SOX6: variants seen among roughly 807,000 people sequenced by gnomAD.
SOX6 encodes transcription factor SOX-6.
A neutral mutation model predicts 97.8 loss-of-function variants in SOX6; 11 were observed. The ratio of observed to expected loss-of-function variants is 0.11; its 90% CI spans 0.07 to 0.19. The LOEUF (loss-of-function observed/expected upper bound fraction) is 0.19. Ranked by LOEUF, SOX6 falls within the 10% of genes least tolerant of loss-of-function variation. The pLI, the probability that SOX6 is intolerant of heterozygous loss-of-function variation, is 1.00. For missense variants in SOX6, 810 were observed against 1,039.5 expected, an observed-to-expected ratio of 0.78 and a Z score of 3.04; for synonymous variants, 360 against 371.4, an observed-to-expected ratio of 0.97 and a Z score of 0.35.
chr11:16,226,332 TTTTTG>T (rs1291592044), intron 4 of SOX6, among the ~76,000 whole-genome samples: 2 of 52,060 alleles, frequency 3.8e-5, no homozygotes, highest in African/African-American at 1.6e-4. Flanking sequence ...TTTGTTTTTG[TTTTTG>T]TTTTTTTTTT....
At chr11:16,378,245 A>T (rs1368252218) in intron 1 of SOX6, among the ~76,000 whole-genome samples, 1 of 152,170 alleles carries the variant, frequency 6.6e-6, no homozygotes, top group African/African-American at 2.4e-5. Flanking sequence ...GTAAAATACA[A>T]TGCATCCTGA....
chr11:16,019,078 T>A (rs1225267145), intron 12 of SOX6, among the ~76,000 whole-genome samples: 1 of 152,054 alleles, frequency 6.6e-6, no homozygotes, highest in Non-Finnish European at 1.5e-5. Context: ...ATATGCGAAG[T>A]GACTGATTGC....
chr11:16,589,207 T>C (rs1212988935), intron 4 of SOX6, among the ~76,000 whole-genome samples: 1 of 152,080 alleles, frequency 6.6e-6, no homozygotes, highest in Non-Finnish European at 1.5e-5. Flanking sequence ...TGCCCTCACC[T>C]CTCTTTCCAC....
chr11:16,357,280 TA>T (rs1257333493), upstream of SOX6, among the ~76,000 whole-genome samples: 2 of 152,110 alleles, frequency 1.3e-5, no homozygotes, highest in Non-Finnish European at 2.9e-5. Context: ...TGGCCAGCTT[TA>T]GTCACCCAGA....
At chr11:16,672,590 T>C (rs1192987084) in intron 3 of SOX6, among the ~76,000 whole-genome samples, 2 of 152,102 alleles carry the variant, frequency 1.3e-5, no homozygotes, top group Non-Finnish European at 2.9e-5. Flanking sequence ...AACTGTCATA[T>C]CTCATGAGAC....
At chr11:16,109,451 C>T (rs1440482212) in intron 7 of SOX6, among the ~76,000 whole-genome samples, 3 of 152,134 alleles carry the variant, frequency 2.0e-5, no homozygotes, top group Non-Finnish European at 4.4e-5. Flanking sequence ...CCTCCCACCC[C>T]TCAGCCTCCC....
intron 4 of SOX6, among the ~76,000 whole-genome samples, chr11:16,541,826 G>A (rs1236948094): frequency 1.3e-5 from 2 of 152,194 alleles, no homozygotes; most frequent in Admixed American, 1.3e-4. Flanking sequence ...AGATGCTGGA[G>A]AGGATGTGGA....
At chr11:16,537,670 G>A (rs922680647) in intron 4 of SOX6, among the ~76,000 whole-genome samples, 1 of 152,182 alleles carries the variant, frequency 6.6e-6, no homozygotes, top group Admixed American at 6.5e-5. Context: ...TGAGAATTGT[G>A]TGATGGATAC....
intron 4 of SOX6, among the ~76,000 whole-genome samples, chr11:16,508,245 A>G (rs1421015223): frequency 1.3e-5 from 2 of 152,148 alleles, no homozygotes; most frequent in Admixed American, 6.6e-5. Flanking sequence ...CAAAAAAATA[A>G]CAGATGCCAG....
At chr11:16,643,471 G>A (rs1238010653) in intron 3 of SOX6, among the ~76,000 whole-genome samples, 1 of 152,206 alleles carries the variant, frequency 6.6e-6, no homozygotes, top group East Asian at 1.9e-4. Flanking sequence ...GTCTGCAGAG[G>A]TTTCTGCTGC....
At chr11:16,705,579 A>G (rs1848125777) in intron 3 of SOX6, among the ~76,000 whole-genome samples, 1 of 152,150 alleles carries the variant, frequency 6.6e-6, no homozygotes, top group Non-Finnish European at 1.5e-5. Context: ...GTGAGCTATG[A>G]TAGTGCCACT....
chr11:16,542,414 G>A (rs1345272928), intron 4 of SOX6, among the ~76,000 whole-genome samples: 1 of 152,142 alleles, frequency 6.6e-6, no homozygotes, highest in Non-Finnish European at 1.5e-5. Context: ...GTATACCTAT[G>A]TAACAAACCT....
At chr11:16,283,766 T>C (rs943038356) in intron 3 of SOX6, 1 of 263,494 alleles carries the variant, frequency 3.8e-6, no homozygotes, top group African/African-American at 2.3e-5. Context: ...CATATTTTCT[T>C]GTTATGTCAG....
intron 4 of SOX6, among the ~76,000 whole-genome samples, chr11:16,504,826 C>T (rs533881402): frequency 6.6e-6 from 1 of 152,236 alleles, no homozygotes; most frequent in Non-Finnish European, 1.5e-5. Context: ...TGTGTAGCAC[C>T]TCCACTGGCT....
chr11:16,721,552 T>TCCC (rs1564877341), intron 2 of SOX6, among the ~76,000 whole-genome samples: 1 of 2,136 alleles, frequency 4.7e-4, no homozygotes, highest in African/African-American at 2.1e-3. Flanking sequence ...CTCTCTCTCT[T>TCCC]CCCCCCCCTC....
chr11:16,327,381 A>G (rs1856134010), intron 2 of SOX6, among the ~76,000 whole-genome samples: 1 of 152,114 alleles, frequency 6.6e-6, no homozygotes, highest in African/African-American at 2.4e-5. Flanking sequence ...AAATACAGTC[A>G]TGATAACCAC....
intron 6 of SOX6, among the ~76,000 whole-genome samples, chr11:16,147,695 A>C (rs1850347858): frequency 6.6e-6 from 1 of 152,072 alleles, no homozygotes; most frequent in Non-Finnish European, 1.5e-5. Flanking sequence ...TTTCCTTTTT[A>C]TTGTACTTCT....
At chr11:15,982,737 C>T (rs1032601161) in intron 15 of SOX6, among the ~76,000 whole-genome samples, 6 of 151,944 alleles carry the variant, frequency 3.9e-5, no homozygotes, top group African/African-American at 1.5e-4. Flanking sequence ...ACATAGTGTA[C>T]TTTAGCAATA....
chr11:16,200,275 T>C (rs1011670977), intron 4 of SOX6, among the ~76,000 whole-genome samples: 2 of 152,338 alleles, frequency 1.3e-5, no homozygotes, highest in Admixed American at 6.5e-5. Context: ...TCACTCTGTA[T>C]TTTGTACACC....
Sources: allele counts gnomAD v4.1 joint callset (sites outside exome capture counted in the v4.1 genomes callset), GRCh38; gene constraint gnomAD v4.1.1; transcripts MANE v1.5; gene names NCBI Gene and HGNC (gene_info 2026-07-23, HGNC 2026-07-21).